ANKRD11: variants seen among roughly 807,000 people sequenced by gnomAD.
The protein encoded by ANKRD11 is ankyrin repeat domain 11.
ANKRD11 carries 17 observed loss-of-function variants against 195.7 expected under a neutral mutation model. The ratio of observed to expected loss-of-function variants is 0.09; its 90% CI spans 0.06 to 0.13. The LOEUF (loss-of-function observed/expected upper bound fraction) is 0.13, where lower values mean the gene tolerates loss of function less well. Among genes scored for constraint, ANKRD11 ranks in the 10% least tolerant of loss-of-function variants. The pLI is 1.00. For missense variants in ANKRD11, 3,735 were observed against 3,566.1 expected, an observed-to-expected ratio of 1.05 and a Z score of -1.21; for synonymous variants, 1,953 against 1,528.1, an observed-to-expected ratio of 1.28 and a Z score of -6.49.
intron 2 of ANKRD11, among the ~76,000 whole-genome samples, chr16:89,318,551 G>A (rs962550016): frequency 3.2e-5 from 4 of 126,360 alleles, no homozygotes; most frequent in Non-Finnish European, 7.0e-5. Context: ...TTTGAAACAC[G>A]ATGTGCAGAC....
intron 2 of ANKRD11, among the ~76,000 whole-genome samples, chr16:89,358,889 G>A (rs1321514422): frequency 2.6e-5 from 4 of 151,948 alleles, no homozygotes; most frequent in Admixed American, 6.6e-5. Flanking sequence ...GCAGTGGTGC[G>A]ATCATGGCTC....
At chr16:89,363,012 G>A (rs1452874965) in intron 2 of ANKRD11, among the ~76,000 whole-genome samples, 3 of 151,590 alleles carry the variant, frequency 2.0e-5, no homozygotes, top group Non-Finnish European at 2.9e-5. Context: ...TCCTTTATCC[G>A]GTGTACTCTC....
intron 2 of ANKRD11, among the ~76,000 whole-genome samples, chr16:89,407,172 C>T (rs1371652321): frequency 3.3e-5 from 5 of 150,996 alleles, no homozygotes; most frequent in Admixed American, 2.6e-4. Context: ...GCAACAAGAG[C>T]GAAACCCCGT....
At chr16:89,290,246 GGGGGGTAGGCTCAGGGCTCCAAT>G (rs1485258361) in intron 6 of ANKRD11, among the ~76,000 whole-genome samples, 22 of 25,676 alleles carry the variant, frequency 8.6e-4, no homozygotes, top group East Asian at 3.7e-3. Flanking sequence ...GGGCTCCAGC[GGGGGGTAGGCTCAGGGCTCCAAT>G]GGGGGTAGGC....
intron 1 of ANKRD11, among the ~76,000 whole-genome samples, chr16:89,470,097 G>C (rs575140752): frequency 6.6e-6 from 1 of 151,402 alleles, no homozygotes. Flanking sequence ...TAGTAGAGAC[G>C]GGGTTTCACC....
At chr16:89,332,397 C>T (rs1203693562) in intron 2 of ANKRD11, among the ~76,000 whole-genome samples, 1 of 152,158 alleles carries the variant, frequency 6.6e-6, no homozygotes, top group Non-Finnish European at 1.5e-5. Context: ...CCCAAGTCCC[C>T]GAGGACAGAG....
chr16:89,430,137 G>A (rs1212700071), intron 1 of ANKRD11, among the ~76,000 whole-genome samples: 1 of 115,638 alleles, frequency 8.6e-6, no homozygotes, highest in African/African-American at 3.4e-5. Flanking sequence ...TACACAGCAG[G>A]GACTCTCAAC....
chr16:89,289,819 C>T (rs760655996), intron 6 of ANKRD11, among the ~76,000 whole-genome samples: 12 of 152,232 alleles, frequency 7.9e-5, no homozygotes, highest in Non-Finnish European at 1.5e-4. Context: ...GGCGTGAGGA[C>T]TGCTTGAGGC....
chr16:89,385,745 C>A (rs918497666), intron 2 of ANKRD11, among the ~76,000 whole-genome samples: 1 of 152,288 alleles, frequency 6.6e-6, no homozygotes, highest in Non-Finnish European at 1.5e-5. Flanking sequence ...ACTTTCACGT[C>A]TGACGACAGA....
Position 89,284,227 on chromosome 16 carries a change from C to A in ANKRD11, c.2315G>T (p.Arg772Leu). 6.2e-7 allele frequency: 1 copy of A among 1,612,676 alleles called. No individual in the cohort carries two copies. The highest frequency in any genetic ancestry group is 8.5e-7 in the Non-Finnish European group (1 of 1,179,830). ...KEERKKKSKD[R>L]PSKLEKKNDL... is the part of the protein sequence containing the mutation. ...ATTCTTCTTCTCTAATTTTGAGGGCCGGTCTTTTGATTTCTTCTTTCTCTC... is the reference window on the plus strand; with the variant it reads ...ATTCTTCTTCTCTAATTTTGAGGGCAGGTCTTTTGATTTCTTCTTTCTCTC... The change falls in exon 9 of 13, where the codon CGG becomes CTG. Residue 772 changes from arginine (R) to leucine (L), a missense_variant. Arg to Leu is a moderately radical substitution (Grantham distance 102). Transcript: ENST00000301030.
At chr16:89,416,958 C>T (rs1373524269) in intron 2 of ANKRD11, among the ~76,000 whole-genome samples, 1 of 152,068 alleles carries the variant, frequency 6.6e-6, no homozygotes, top group Non-Finnish European at 1.5e-5. Flanking sequence ...CAACCAGGCT[C>T]AGTCCACCTC....
intron 2 of ANKRD11, among the ~76,000 whole-genome samples, chr16:89,369,149 C>T (rs905174839): frequency 1.3e-5 from 2 of 152,184 alleles, no homozygotes; most frequent in Non-Finnish European, 2.9e-5. Context: ...CACACCAGAT[C>T]ACAGCATAAG....
chr16:89,307,713 C>G (rs1273261617), intron 3 of ANKRD11, among the ~76,000 whole-genome samples: 1 of 152,268 alleles, frequency 6.6e-6, no homozygotes. Context: ...ATGGCCCCCT[C>G]GGAGTGCAGT....
At chr16:89,350,874 G>A (rs1361726535) in intron 2 of ANKRD11, among the ~76,000 whole-genome samples, 1 of 152,164 alleles carries the variant, frequency 6.6e-6, no homozygotes, top group Non-Finnish European at 1.5e-5. Flanking sequence ...GGGTCCCATG[G>A]CATAAACACC....
At chr16:89,381,808 C>T (rs1433169932) in intron 2 of ANKRD11, among the ~76,000 whole-genome samples, 10 of 152,246 alleles carry the variant, frequency 6.6e-5, no homozygotes, top group Admixed American at 5.9e-4. Flanking sequence ...ATTGACCCCA[C>T]GCGAATGGGG....
At chr16:89,381,792 G>A (rs577732045) in intron 2 of ANKRD11, among the ~76,000 whole-genome samples, 64 of 152,206 alleles carry the variant, frequency 4.2e-4, no homozygotes, top group African/African-American at 1.0e-3. Context: ...AGTGTTCCCC[G>A]AGCACATTGA....
intron 1 of ANKRD11, among the ~76,000 whole-genome samples, chr16:89,483,798 G>C (rs545852425): frequency 6.7e-6 from 1 of 149,162 alleles, no homozygotes; most frequent in African/African-American, 2.5e-5. Flanking sequence ...TGGGCAACAA[G>C]AGGGAAACTC....
At chr16:89,316,813 C>A in intron 3 of ANKRD11, 120 bp downstream of exon 3, 2 of 1,241,112 alleles carry the variant, frequency 1.6e-6, no homozygotes, top group East Asian at 5.1e-5. Flanking sequence ...TGGCTGCAGA[C>A]AGAGGCACGA....
intron 1 of ANKRD11, among the ~76,000 whole-genome samples, chr16:89,473,052 G>C (rs1385699189): frequency 2.0e-5 from 3 of 152,060 alleles, no homozygotes; most frequent in Non-Finnish European, 4.4e-5. Flanking sequence ...TTAGCCAGGT[G>C]TGGTGGTACA....
Sources: gnomAD v4.1 joint callset for allele counts (sites outside exome capture counted in the v4.1 genomes callset) on GRCh38, gnomAD v4.1.1 for gene constraint, MANE v1.5 for transcripts, NCBI Gene and HGNC (gene_info 2026-07-23, HGNC 2026-07-21) for gene names.